The following ANAPC1 variants were observed in gnomAD, a reference collection of about 807,000 sequenced individuals.
ANAPC1 encodes anaphase promoting complex subunit 1.
A neutral mutation model predicts 208.0 loss-of-function variants in ANAPC1; 36 were observed. The ratio of observed to expected loss-of-function variants is 0.17; its 90% CI spans 0.13 to 0.23. The LOEUF (loss-of-function observed/expected upper bound fraction) is 0.23, where lower values mean the gene tolerates loss of function less well. Among genes scored for constraint, ANAPC1 ranks in the 10% least tolerant of loss-of-function variants. ANAPC1 has a pLI of 1.00. For missense variants in ANAPC1, 942 were observed against 2,011.6 expected (o/e 0.47, Z 10.17); for synonymous variants, 378 against 695.2 (o/e 0.54, Z 7.18).
chr2:111,788,746 T>C (rs1677704339), intron 38 of ANAPC1, among the ~76,000 whole-genome samples: 1 of 150,872 alleles, frequency 6.6e-6, no homozygotes, highest in Non-Finnish European at 1.5e-5. Flanking sequence ...AAATACAGAA[T>C]GTTGTAATTG....
At chr2:111,784,157 C>G (rs1274741665) in intron 41 of ANAPC1, among the ~76,000 whole-genome samples, 166 bp downstream of exon 41, 1 of 152,026 alleles carries the variant, frequency 6.6e-6, no homozygotes, top group African/African-American at 2.4e-5. Flanking sequence ...ATAAAGATCT[C>G]TAAGAAAAGA....
intron 20 of ANAPC1, among the ~76,000 whole-genome samples, chr2:111,831,884 T>C (rs1177855302): frequency 2.7e-5 from 4 of 146,916 alleles, no homozygotes; most frequent in Non-Finnish European, 4.5e-5. Flanking sequence ...ATGCTTCATG[T>C]TTTCTGCCAC....
chr2:111,857,177 A>C (rs1427528584), intron 11 of ANAPC1: 4 of 352,434 alleles, frequency 1.1e-5, no homozygotes, highest in Non-Finnish European at 2.1e-5. Flanking sequence ...ACTGCATAGA[A>C]CCATACATAC....
chr2:111,846,569 T>A (rs1388195484), intron 16 of ANAPC1, among the ~76,000 whole-genome samples: 3 of 119,640 alleles, frequency 2.5e-5, no homozygotes, highest in Non-Finnish European at 3.5e-5. Flanking sequence ...ATTTTTTTTT[T>A]TTTTTTTTTT....
At chr2:111,874,755 T>C (rs1409445628) in intron 3 of ANAPC1, among the ~76,000 whole-genome samples, 4 of 152,256 alleles carry the variant, frequency 2.6e-5, no homozygotes, top group Non-Finnish European at 4.4e-5. Flanking sequence ...TGTGAATCCC[T>C]GTTCTCAATT....
chr2:111,826,665 A>T (rs56307072), intron 21 of ANAPC1, among the ~76,000 whole-genome samples: 40,995 of 138,476 alleles, frequency 0.3, 6,424 homozygotes, highest in South Asian at 0.45. Flanking sequence ...TTATTTATTT[A>T]TTTTTTTTTT....
At position 111,880,812 on chromosome 2, in the gene ANAPC1, T is replaced by A. The variant is rs368970063; in HGVS notation, c.14A>T (p.Tyr5Phe). The change falls in exon 2 of 48, where the codon TAT (tyrosine) becomes TTT (phenylalanine). Residue 5 changes from tyrosine (Y) to phenylalanine (F), a missense_variant. Tyr to Phe is a conservative substitution (Grantham distance 22). Transcript: ENST00000341068. MSNF[Y>F]EERTTMIAAR... ...TGCAATCATCGTTGTCCTTTCTTCA[T>A]AGAAGTTCGACATGGGTTCCAAATA... 6.8e-6 allele frequency: 11 copies of A among 1,613,768 alleles called. No individual in the cohort carries two copies. The East Asian group carries it at 1.6e-4, about 23-fold the overall frequency.
chr2:111,817,713 T>C (rs1165421828), intron 27 of ANAPC1, among the ~76,000 whole-genome samples: 2 of 143,806 alleles, frequency 1.4e-5, no homozygotes, highest in African/African-American at 5.1e-5. Flanking sequence ...TATGTTTGCA[T>C]ATATTATGTA....
At chr2:111,783,416 C>T (rs1456574879) in intron 42 of ANAPC1, among the ~76,000 whole-genome samples, 1 of 151,408 alleles carries the variant, frequency 6.6e-6, no homozygotes, top group Non-Finnish European at 1.5e-5. Context: ...CTCTCTGTCT[C>T]TCTCTTGCTG....
intron 13 of ANAPC1, among the ~76,000 whole-genome samples, chr2:111,854,277 T>C (rs1277488531): frequency 1.3e-5 from 2 of 152,194 alleles, no homozygotes; most frequent in African/African-American, 4.8e-5. Flanking sequence ...GTCTCAACAG[T>C]GGGCTTAACA....
chr2:111,816,931 C>CA (rs1314784971), intron 27 of ANAPC1, among the ~76,000 whole-genome samples: 2 of 81,024 alleles, frequency 2.5e-5, no homozygotes, highest in Non-Finnish European at 4.9e-5. Context: ...TGTACTTTCT[C>CA]AAAAAAGGCA....
intron 19 of ANAPC1, among the ~76,000 whole-genome samples, chr2:111,833,905 G>A (rs1456631718): frequency 2.0e-5 from 3 of 152,118 alleles, no homozygotes; most frequent in African/African-American, 4.8e-5. Context: ...TCTTAACTCA[G>A]AGGTTGACAT....
chr2:111,794,674 C>T, intron 35 of ANAPC1, 144 bp downstream of exon 35: 1 of 1,242,202 alleles, frequency 8.1e-7, no homozygotes, highest in African/African-American at 1.5e-5. Flanking sequence ...TAACCAACGT[C>T]ATGAACATCT....
intron 2 of ANAPC1, chr2:111,880,363 A>C (rs1683238480): frequency 2.4e-6 from 2 of 830,538 alleles, no homozygotes; most frequent in South Asian, 2.7e-5. Flanking sequence ...AAAGAGCAAA[A>C]CTTCATCTCA....
At chr2:111,852,552 G>C (rs1681462786) in intron 13 of ANAPC1, among the ~76,000 whole-genome samples, 1 of 151,974 alleles carries the variant, frequency 6.6e-6, no homozygotes, top group Admixed American at 6.6e-5. Context: ...TCGTCTATTT[G>C]AGGAAGTCCC....
chr2:111,792,788 T>TA (rs1476811251), intron 37 of ANAPC1, among the ~76,000 whole-genome samples: 1 of 151,506 alleles, frequency 6.6e-6, no homozygotes, highest in East Asian at 1.9e-4. Context: ...CCGTCTCTAC[T>TA]AAAAAATACA....
At chr2:111,841,637 G>A (rs11122989) in intron 17 of ANAPC1, among the ~76,000 whole-genome samples, 88,127 of 151,720 alleles carry the variant, frequency 0.58, 26,531 homozygotes, top group South Asian at 0.69. Context: ...GCAAGGGCTA[G>A]GTCACATGGC....
Position 111,825,123 on chromosome 2 carries a change from A to G in ANAPC1, c.2741+8T>C, listed in dbSNP as rs1368149638. 2 of 1,613,924 alleles carry G rather than the reference A, an allele frequency of 1.2e-6. No individual in the cohort carries two copies. The highest frequency in any genetic ancestry group is 1.7e-6 in the Non-Finnish European group (2 of 1,179,866). On this transcript the variant is annotated splice_region_variant and intron_variant, in intron 23 of 47. Transcript: ENST00000341068. The stretch of plus-strand genomic sequence containing the variant: ...TTGACATAAAAGCACAGTCTAAATA[A>G]AAGTCACCTGTTTTCCTCTTGTTCT...
In ANAPC1 at chr2:111,862,623, T is replaced by A. The variant is rs1161359089; in HGVS notation, c.1053-25A>T. ...ACTGCAAAATAAACAGAGGAGAGAG[T>A]ACATCACAGTTAGCAAGGCAGGCTT... On this transcript the variant is annotated intron_variant, in intron 9 of 47. Transcript: ENST00000341068. 2.5e-6 allele frequency: 4 copies of A among 1,603,106 alleles called. No individual in the cohort carries two copies. The Admixed American group carries it at 6.7e-5, about 27-fold the overall frequency.
Sources: gnomAD v4.1 joint callset for allele counts (sites outside exome capture counted in the v4.1 genomes callset) on GRCh38, gnomAD v4.1.1 for gene constraint, MANE v1.5 for transcripts, NCBI Gene and HGNC (gene_info 2026-07-23, HGNC 2026-07-21) for gene names.